SNW1: variants seen among roughly 807,000 people sequenced by gnomAD.
SNW1 encodes the protein SNW domain-containing protein 1.
Under a neutral mutation model 75.6 loss-of-function variants are expected in SNW1, and 9 were observed. That is an observed-to-expected ratio of 0.12 (90% CI 0.07 to 0.21). SNW1 has a LOEUF of 0.21. Ranked by LOEUF, SNW1 falls within the 10% of genes least tolerant of loss-of-function variation. The pLI is 1.00. For synonymous variants in SNW1, 200 were observed against 219.1 expected, an observed-to-expected ratio of 0.91 and a Z score of 0.77; for missense variants, 409 against 670.9, an observed-to-expected ratio of 0.61 and a Z score of 4.31.
At chr14:77,731,205 A>G (rs1009745044) in intron 9 of SNW1, 76 bp from the exon 10 acceptor site, 2 of 1,477,062 alleles carry the variant, frequency 1.4e-6, no homozygotes, top group Admixed American at 2.0e-5. Context: ...ACTCCCTAAC[A>G]TCTGGCTGGT....
intron 10 of SNW1, among the ~76,000 whole-genome samples, chr14:77,725,640 T>G (rs1454606245): frequency 1.3e-5 from 2 of 152,210 alleles, no homozygotes; most frequent in African/African-American, 4.8e-5. Context: ...ACGCATTGGC[T>G]GGGCATGGTG....
At chr14:77,755,152 T>C in intron 1 of SNW1, 32 bp from the exon 2 acceptor site, 1 of 1,538,098 alleles carries the variant, frequency 6.5e-7, no homozygotes, top group Non-Finnish European at 8.9e-7. Context: ...GTCAGAAATT[T>C]AAAAAACTCT....
At chr14:77,730,810 A>T in intron 10 of SNW1, 178 bp downstream of exon 10, 9 of 613,472 alleles carry the variant, frequency 1.5e-5, no homozygotes, top group African/African-American at 3.8e-5. Flanking sequence ...CTTTTTTCTT[A>T]TCTCCTGTTG....
In SNW1 at chr14:77,732,491, A is replaced by G. The variant is rs766917454; in HGVS notation, c.885T>C (p.Asp295=). Residue 295 remains aspartate, a synonymous_variant, in exon 9 of 14, where the codon GAT becomes GAC. Coordinates refer to ENST00000261531, the MANE Select transcript of SNW1 (RefSeq NM_012245.3). ...AKLAEALYIA[D]RKAREAVEMR... is the part of the protein sequence containing the mutation. Reference sequence around the variant, plus strand: ...CAAATTATAACAAACCAACCTTCCGATCAGCAATGTAGAGGGCTTCTGCCA... The same window carrying G: ...CAAATTATAACAAACCAACCTTCCGGTCAGCAATGTAGAGGGCTTCTGCCA... 1 of 1,549,766 alleles carries G rather than the reference A, an allele frequency of 6.5e-7. No homozygotes were observed.
intron 3 of SNW1, among the ~76,000 whole-genome samples, chr14:77,747,708 G>A (rs1213129520): frequency 4.1e-5 from 6 of 146,944 alleles, no homozygotes; most frequent in Non-Finnish European, 5.9e-5. Flanking sequence ...AGGGAGGTGC[G>A]GGGCAGCCCC....
chr14:77,743,225 CAA>C lies in SNW1; in HGVS notation c.331-4166_331-4165del, dbSNP rs1253630223. ...GGGCAACAAGAGCAAAACTCCGTTT[CAA>C]AAAAAAAAAAAGATTTATCACTTTC... On this transcript the variant is annotated intron_variant, in intron 3 of 13. Coordinates refer to ENST00000261531, the MANE Select transcript of SNW1 (RefSeq NM_012245.3). Among the ~76,000 whole-genome samples, 286 of 95,266 alleles carry C rather than the reference CAA, an allele frequency of 3.0e-3. 5 individuals are homozygous for C. Among genetic ancestry groups the C allele is most frequent in the Middle Eastern group, 0.012 (2 of 170 alleles). 62.5% of individuals were successfully genotyped at this position (95,266 alleles called of 152,430 possible).
At chr14:77,757,890 T>C (rs576053783) in intron 1 of SNW1, among the ~76,000 whole-genome samples, 1 of 152,222 alleles carries the variant, frequency 6.6e-6, no homozygotes, top group South Asian at 2.1e-4. Context: ...TTACATTGGC[T>C]ATTCCTTCTG....
intron 8 of SNW1, chr14:77,734,013 C>CA: frequency 5.3e-6 from 2 of 374,544 alleles, no homozygotes; most frequent in African/African-American, 2.1e-5. Context: ...CCAATCAACT[C>CA]AAATCAGACC....
intron 5 of SNW1, among the ~76,000 whole-genome samples, chr14:77,737,730 C>T (rs148821154): frequency 1.3e-5 from 2 of 152,226 alleles, no homozygotes; most frequent in African/African-American, 4.8e-5. Context: ...GTGGCTCATG[C>T]CTGTAATCCC....
At chr14:77,750,501 T>C (rs968442071) in intron 3 of SNW1, among the ~76,000 whole-genome samples, 2 of 152,204 alleles carry the variant, frequency 1.3e-5, no homozygotes, top group African/African-American at 4.8e-5. Context: ...GCAGCCATGA[T>C]GCAGAAGCAA....
intron 1 of SNW1, chr14:77,760,685 G>C (rs1566839469): frequency 2.8e-6 from 2 of 702,302 alleles, no homozygotes; most frequent in South Asian, 1.5e-5. Context: ...AGTGGACAGC[G>C]AAAGGAGAGA....
intron 3 of SNW1, among the ~76,000 whole-genome samples, chr14:77,748,601 A>T (rs1218410097): frequency 1.1e-4 from 17 of 149,914 alleles, no homozygotes; most frequent in African/African-American, 3.7e-4. Flanking sequence ...TTTTTTTTTT[A>T]TTTGAGACAG....
In SNW1 at chr14:77,720,701, AAAC is replaced by A. The variant is rs1395508501; in HGVS notation, c.1248+7_1248+9del. On this transcript the variant is annotated splice_region_variant and intron_variant, in intron 12 of 13. Coordinates refer to ENST00000261531, the MANE Select transcript of SNW1 (RefSeq NM_012245.3). ...TCAACACACACAATATGCTGTTCCT[AAAC>A]TTGTACCTTGGATTGGTTGAAGAGC... is the stretch of plus-strand genomic sequence containing the variant. 1.3e-6 allele frequency: 2 copies of A among 1,559,686 alleles called. No homozygotes were observed. The highest frequency in any genetic ancestry group is 3.3e-5 in the Admixed American group (2 of 59,866).
intron 10 of SNW1, among the ~76,000 whole-genome samples, chr14:77,727,095 C>T (rs1229035325): frequency 6.6e-6 from 1 of 151,272 alleles, no homozygotes; most frequent in Non-Finnish European, 1.5e-5. Flanking sequence ...GCTTTGTTGC[C>T]CAGGCTGGAG....
In SNW1 at chr14:77,761,095, A is replaced by G. The variant is rs780748387; in HGVS notation, c.14+19T>C. On this transcript the variant is annotated intron_variant, in intron 1 of 13. Coordinates refer to ENST00000261531, the MANE Select transcript of SNW1 (RefSeq NM_012245.3). ...ACTCCCAGACCCTTCCGTATCGAGG[A>G]CCCCAATCAACAACCCACCTGGTGA... is the stretch of plus-strand genomic sequence containing the variant. 6.2e-7 allele frequency: 1 copy of G among 1,614,036 alleles called. No homozygotes were observed. The highest frequency in any genetic ancestry group is 1.3e-5 in the African/African-American group (1 of 74,912).
intron 2 of SNW1, among the ~76,000 whole-genome samples, 184 bp downstream of exon 2, chr14:77,754,783 G>C (rs2080831844): frequency 6.6e-6 from 1 of 152,166 alleles, no homozygotes; most frequent in Non-Finnish European, 1.5e-5. Context: ...AGCAGTGATA[G>C]ATAATAAGCA....
At chr14:77,728,069 TAGTG>T (rs1325511366) in intron 10 of SNW1, among the ~76,000 whole-genome samples, 79 of 145,994 alleles carry the variant, frequency 5.4e-4, no homozygotes, top group African/African-American at 1.9e-3. Context: ...AAAAAAAAAT[TAGTG>T]TAGAATCTAG....
chr14:77,724,441 T>A (rs746214797), intron 10 of SNW1, among the ~76,000 whole-genome samples: 1 of 152,216 alleles, frequency 6.6e-6, no homozygotes, highest in African/African-American at 2.4e-5. Context: ...CCCACTGTAC[T>A]AGGAACATTA....
rs1014404503 is a variant in SNW1 at position 77,752,116 on chromosome 14, T to C, written c.169-636A>G. The stretch of plus-strand genomic sequence containing the variant: ...TAGGACAAGGCAAAATATATGTGTA[T>C]ATATTTTAGCATATAAATACATATT... On this transcript the variant is annotated intron_variant, in intron 2 of 13. Transcript: ENST00000261531. Among the ~76,000 whole-genome samples the C allele has an allele frequency of 5.3e-5, 8 of 152,188 alleles. No homozygotes were observed. The South Asian group carries it at 1.4e-3, about 28-fold the overall frequency.
Sources: gnomAD v4.1 joint callset for allele counts (sites outside exome capture counted in the v4.1 genomes callset) on GRCh38, gnomAD v4.1.1 for gene constraint, MANE v1.5 for transcripts, NCBI Gene and HGNC (gene_info 2026-07-23, HGNC 2026-07-21) for gene names.